Variants in ADORA2B observed in about 807,000 individuals in gnomAD.
ADORA2B encodes adenosine A2b receptor.
ADORA2B carries 18 observed loss-of-function variants against 20.8 expected under a neutral mutation model. That is an observed-to-expected ratio of 0.87 (90% CI 0.60 to 1.29). The LOEUF (loss-of-function observed/expected upper bound fraction) is 1.29, where lower values mean the gene tolerates loss of function less well. ADORA2B is among the 50% of genes most tolerant of loss of function. ADORA2B has a pLI of 0.00. For synonymous variants in ADORA2B, 179 were observed against 178.3 expected (o/e 1.00, Z -0.03); for missense variants, 441 against 422.7 (o/e 1.04, Z -0.38).
the ADORA2B span, among the ~76,000 whole-genome samples, chr17:15,884,955 C>T: frequency 6.6e-6 from 1 of 152,156 alleles, no homozygotes; most frequent in South Asian, 2.1e-4. Flanking sequence ...ATTGCTGGGT[C>T]AAATGGTATT....
chr17:15,927,074 C>T, the ADORA2B span, among the ~76,000 whole-genome samples: 1 of 152,196 alleles, frequency 6.6e-6, no homozygotes, highest in Non-Finnish European at 1.5e-5. Flanking sequence ...AGGCTGGGCA[C>T]GGTGACTCAC....
chr17:15,863,331 A>G, the ADORA2B span, among the ~76,000 whole-genome samples: 1 of 151,974 alleles, frequency 6.6e-6, no homozygotes, highest in African/African-American at 2.4e-5. Context: ...TGCCCTTCCA[A>G]TATACCTTGA....
At chr17:15,883,902 G>A in the ADORA2B span, among the ~76,000 whole-genome samples, 21 of 152,188 alleles carry the variant, frequency 1.4e-4, no homozygotes, top group African/African-American at 2.4e-4. Context: ...CAGTGGTGAC[G>A]GAATTAAAGC....
At chr17:15,906,494 G>A in the ADORA2B span, among the ~76,000 whole-genome samples, 7 of 152,112 alleles carry the variant, frequency 4.6e-5, no homozygotes, top group Non-Finnish European at 4.4e-5. Flanking sequence ...ATAGATTAAT[G>A]GATTCAATTT....
At chr17:15,927,967 G>A in the ADORA2B span, among the ~76,000 whole-genome samples, 2 of 151,834 alleles carry the variant, frequency 1.3e-5, no homozygotes, top group Non-Finnish European at 2.9e-5. Context: ...GGACTACAGC[G>A]CCCGCCACCA....
chr17:15,891,879 C>T, the ADORA2B span, among the ~76,000 whole-genome samples: 12,633 of 143,160 alleles, frequency 0.088, 1,686 homozygotes, highest in African/African-American at 0.29. Flanking sequence ...ATGGAATCTC[C>T]CTCTGTCGCC....
chr17:15,903,647 A>T, the ADORA2B span, among the ~76,000 whole-genome samples: 1 of 152,158 alleles, frequency 6.6e-6, no homozygotes, highest in Non-Finnish European at 1.5e-5. Context: ...TTGTTTGGAA[A>T]ATTATTGGGT....
chr17:15,933,515 T>G, the ADORA2B span, among the ~76,000 whole-genome samples: 2 of 152,314 alleles, frequency 1.3e-5, no homozygotes, highest in Non-Finnish European at 2.9e-5. Context: ...GTCTTGTGCT[T>G]CTTTGGTTAA....
chr17:15,901,971 C>T, the ADORA2B span, among the ~76,000 whole-genome samples: 3 of 152,112 alleles, frequency 2.0e-5, no homozygotes, highest in African/African-American at 7.2e-5. Flanking sequence ...ACACCTTCCT[C>T]TCCAGCACTC....
intron 1 of ADORA2B, among the ~76,000 whole-genome samples, chr17:15,953,578 C>T (rs1375606883): frequency 6.6e-6 from 1 of 152,216 alleles, no homozygotes; most frequent in African/African-American, 2.4e-5. Flanking sequence ...CTCCCCTATG[C>T]CCCACTTGAA....
chr17:15,899,124 G>A, the ADORA2B span, among the ~76,000 whole-genome samples: 14,081 of 152,006 alleles, frequency 0.093, 830 homozygotes, highest in South Asian at 0.23. Flanking sequence ...CAGCTACTTG[G>A]GAGGCTGAGG....
At chr17:15,874,566 C>T in the ADORA2B span, among the ~76,000 whole-genome samples, 3 of 151,314 alleles carry the variant, frequency 2.0e-5, no homozygotes, top group Admixed American at 2.0e-4. Context: ...GTGGCATGAA[C>T]CTGTAGTACC....
chr17:15,884,063 A>G, the ADORA2B span, among the ~76,000 whole-genome samples: 1 of 152,212 alleles, frequency 6.6e-6, no homozygotes, highest in Non-Finnish European at 1.5e-5. Flanking sequence ...GTCACACTCT[A>G]GTAAGGGTCA....
At chr17:15,953,983 A>ATT (rs111364778) in intron 1 of ADORA2B, among the ~76,000 whole-genome samples, 29 of 145,494 alleles carry the variant, frequency 2.0e-4, no homozygotes, top group African/African-American at 7.3e-4. Flanking sequence ...TACCATTTAC[A>ATT]TTTTTTTTTT....
At chr17:15,881,781 A>G in the ADORA2B span, among the ~76,000 whole-genome samples, 2 of 152,126 alleles carry the variant, frequency 1.3e-5, no homozygotes, top group Non-Finnish European at 2.9e-5. Context: ...CCATCTGTCC[A>G]CCTTCTTCTC....
chr17:15,872,729 C>T, the ADORA2B span, among the ~76,000 whole-genome samples: 1 of 152,236 alleles, frequency 6.6e-6, no homozygotes, highest in East Asian at 1.9e-4. Flanking sequence ...TATAGCAGTG[C>T]TACTTCTTTG....
At chr17:15,938,401 C>T in the ADORA2B span, among the ~76,000 whole-genome samples, 1 of 152,144 alleles carries the variant, frequency 6.6e-6, no homozygotes, top group African/African-American at 2.4e-5. Context: ...CTCTCGAGTT[C>T]AAGTGATTCT....
the ADORA2B span, among the ~76,000 whole-genome samples, chr17:15,923,395 A>G: frequency 4.1e-5 from 5 of 121,152 alleles, no homozygotes; most frequent in African/African-American, 1.7e-4. Flanking sequence ...GTGTGTATAT[A>G]TATATATATA....
chr17:15,930,988 C>T, the ADORA2B span, among the ~76,000 whole-genome samples: 2,293 of 152,266 alleles, frequency 0.015, 70 homozygotes, highest in African/African-American at 0.052. Flanking sequence ...AGAACGAAGG[C>T]GGATGCACCT....
Sources: allele counts gnomAD v4.1 joint callset (sites outside exome capture counted in the v4.1 genomes callset), GRCh38; gene constraint gnomAD v4.1.1; transcripts MANE v1.5; gene names NCBI Gene and HGNC (gene_info 2026-07-23, HGNC 2026-07-21).